The following SLCO5A1 variants were observed in gnomAD, a reference collection of about 807,000 sequenced individuals.
SLCO5A1 encodes organic anion transporter polypeptide-related protein 4.
A neutral mutation model predicts 65.1 loss-of-function variants in SLCO5A1; 39 were observed. That is an observed-to-expected ratio of 0.60 (90% CI 0.46 to 0.78). The LOEUF is 0.78. Ranked by LOEUF, SLCO5A1 falls within the 30% of genes least tolerant of loss-of-function variation. The pLI is 0.00. For missense variants in SLCO5A1, 1,029 were observed against 1,069.4 expected (o/e 0.96, Z 0.53); for synonymous variants, 438 against 415.7 (o/e 1.05, Z -0.65).
intron 2 of SLCO5A1, among the ~76,000 whole-genome samples, chr8:69,765,342 T>C (rs1479208502): frequency 2.0e-5 from 3 of 151,622 alleles, no homozygotes; most frequent in Non-Finnish European, 2.9e-5. Context: ...TATATTACAG[T>C]TATATAAGAA....
At chr8:69,760,563 CA>C (rs1217635619) in intron 3 of SLCO5A1, among the ~76,000 whole-genome samples, 1 of 151,182 alleles carries the variant, frequency 6.6e-6, no homozygotes, top group Non-Finnish European at 1.5e-5. Context: ...GTCTATGTTC[CA>C]AAAAAAAGTG....
At chr8:69,715,935 C>T (rs921657394) in intron 5 of SLCO5A1, among the ~76,000 whole-genome samples, 2 of 152,054 alleles carry the variant, frequency 1.3e-5, no homozygotes, top group South Asian at 4.1e-4. Flanking sequence ...ACATTTTCAT[C>T]GCCCTAAAAA....
intron 8 of SLCO5A1, among the ~76,000 whole-genome samples, chr8:69,677,026 GT>G (rs1019125848): frequency 6.7e-6 from 1 of 148,820 alleles, no homozygotes; most frequent in Non-Finnish European, 1.5e-5. Context: ...ATACTGCACG[GT>G]TTTTTTGTTT....
At chr8:69,684,416 T>A (rs1352828639) in intron 6 of SLCO5A1, among the ~76,000 whole-genome samples, 1 of 152,122 alleles carries the variant, frequency 6.6e-6, no homozygotes, top group East Asian at 1.9e-4. Context: ...ACTGGCCAAA[T>A]CCAGGAGAAC....
At chr8:69,760,622 C>T (rs1817728728) in intron 3 of SLCO5A1, among the ~76,000 whole-genome samples, 1 of 152,140 alleles carries the variant, frequency 6.6e-6, no homozygotes, top group African/African-American at 2.4e-5. Context: ...GAAGTATTCT[C>T]TTAACTATAA....
chr8:69,726,793 G>A (rs548567719), intron 5 of SLCO5A1, among the ~76,000 whole-genome samples: 1 of 152,168 alleles, frequency 6.6e-6, no homozygotes, highest in African/African-American at 2.4e-5. Context: ...GAGCCACCAT[G>A]CCCGGCCTCT....
At chr8:69,828,910 C>G (rs1439828739) in intron 2 of SLCO5A1, among the ~76,000 whole-genome samples, 1 of 152,132 alleles carries the variant, frequency 6.6e-6, no homozygotes. Flanking sequence ...AGGGTTCTGC[C>G]TGTAATTTTG....
chr8:69,767,889 C>CAAAAAAA (rs746004982), intron 2 of SLCO5A1, among the ~76,000 whole-genome samples: 16 of 34,972 alleles, frequency 4.6e-4, no homozygotes, highest in Non-Finnish European at 5.5e-4. Context: ...GACTCCATCT[C>CAAAAAAA]AAAAAAAAAA....
At chr8:69,699,166 CT>C (rs1201574427) in intron 6 of SLCO5A1, among the ~76,000 whole-genome samples, 1 of 152,200 alleles carries the variant, frequency 6.6e-6, no homozygotes, top group African/African-American at 2.4e-5. Context: ...CCCTTCTCTA[CT>C]TAGGTAACTG....
intron 5 of SLCO5A1, among the ~76,000 whole-genome samples, chr8:69,737,191 G>A (rs1473225333): frequency 2.0e-5 from 3 of 152,194 alleles, no homozygotes; most frequent in African/African-American, 7.2e-5. Context: ...TTTCTACAGT[G>A]ATGCTTGTTC....
intron 4 of SLCO5A1, among the ~76,000 whole-genome samples, chr8:69,739,826 T>C (rs1185010133): frequency 6.6e-6 from 1 of 152,142 alleles, no homozygotes; most frequent in East Asian, 1.9e-4. Context: ...ACACTGTAAA[T>C]TAAAATGTCA....
At chr8:69,756,770 T>A (rs1426622850) in intron 3 of SLCO5A1, among the ~76,000 whole-genome samples, 3 of 152,230 alleles carry the variant, frequency 2.0e-5, no homozygotes, top group East Asian at 3.9e-4. Flanking sequence ...GGGAGTAGAA[T>A]GAAATTGTAG....
chr8:69,755,456 A>G lies in SLCO5A1; in HGVS notation c.1226T>C (p.Val409Ala). Reference protein sequence around the residue: ...SNNSEQADKKVSSMGFGKDVR... With the variant: ...SNNSEQADKKASSMGFGKDVR... ...ATCCTTTCCAAATCCCATCGAAGAA[A>G]CTTTTTTGTCCGCTTGTTCACTGTT... is the stretch of plus-strand genomic sequence containing the variant. Residue 409 changes from valine (V) to alanine (A), a missense_variant, in exon 4 of 10, where the codon GTT becomes GCT. This residue lies in a region of SLCO5A1 where 647 missense variants were observed against 647.5 expected (regional missense o/e 1.00). Transcript: ENST00000260126. 6.2e-7 allele frequency: 1 copy of G among 1,613,998 alleles called. No individual in the cohort carries two copies. Among genetic ancestry groups the G allele is most frequent in the Non-Finnish European group, 8.5e-7 (1 of 1,179,992 alleles).
rs959438179 is a variant in SLCO5A1, at chr8:69,832,994, TCCG to T, written c.-324_-322del. 3,206 of 331,076 alleles carry T rather than the reference TCCG, an allele frequency of 9.7e-3. No homozygotes were observed. The highest frequency in any genetic ancestry group is 0.017 in the Middle Eastern group (20 of 1,182). 20.5% of individuals were successfully genotyped at this position (331,076 alleles called of 1,614,324 possible). ...CCTCGCGCGTCCCGGGCTCATCCCC[TCCG>T]CCGCCGCCGCCGCCGCCGCCGCTGG... On this transcript the variant is annotated 5_prime_UTR_variant, in exon 2 of 10. Transcript: ENST00000260126. The surrounding 1 kb of genome is among the most constrained non-coding windows in gnomAD (Gnocchi z 4.5).
intron 2 of SLCO5A1, among the ~76,000 whole-genome samples, chr8:69,768,832 A>G (rs1264166573): frequency 1.3e-5 from 2 of 152,080 alleles, no homozygotes; most frequent in Middle Eastern, 3.2e-3. Flanking sequence ...TCCCTAGCAG[A>G]TACCAACCCA....
intron 5 of SLCO5A1, among the ~76,000 whole-genome samples, chr8:69,721,379 A>C (rs1386707332): frequency 6.6e-6 from 1 of 152,194 alleles, no homozygotes; most frequent in Non-Finnish European, 1.5e-5. Context: ...CTAAATTAAC[A>C]CAAGAGCCCA....
At chr8:69,732,222 T>G (rs1816366162) in intron 5 of SLCO5A1, among the ~76,000 whole-genome samples, 1 of 152,150 alleles carries the variant, frequency 6.6e-6, no homozygotes, top group South Asian at 2.1e-4. Flanking sequence ...ACAATAAAAA[T>G]TACAGTAATT....
chr8:69,672,884 C>T lies in SLCO5A1; in HGVS notation c.2532G>A (p.Leu844=). 6.2e-7 allele frequency: 1 copy of T among 1,609,624 alleles called. No homozygotes were observed. Residue 844 remains leucine, a synonymous_variant, in exon 10 of 10, where the codon TTG becomes TTA. Transcript: ENST00000260126. ...TTTTCAAGCTTCAGGAGGGCGGCTCCAAGGCAGCGGGGCTCTCTTCCAGCC... is the reference window on the plus strand; with the variant it reads ...TTTTCAAGCTTCAGGAGGGCGGCTCTAAGGCAGCGGGGCTCTCTTCCAGCC... ...DPGLEESPAA[L]EPPS is the part of the protein sequence containing the mutation.
At chr8:69,688,144 C>T (rs1174223104) in intron 6 of SLCO5A1, among the ~76,000 whole-genome samples, 1 of 150,766 alleles carries the variant, frequency 6.6e-6, no homozygotes, top group Non-Finnish European at 1.5e-5. Flanking sequence ...CAAATAGAGC[C>T]AAAAAAAAGA....
Sources: allele counts gnomAD v4.1 joint callset (sites outside exome capture counted in the v4.1 genomes callset), GRCh38; gene constraint gnomAD v4.1.1; regional missense constraint gnomAD v4.1.1; non-coding constraint Gnocchi (gnomAD v3.1); transcripts MANE v1.5; gene names NCBI Gene and HGNC (gene_info 2026-07-23, HGNC 2026-07-21).